The following ZBTB16 variants were observed in gnomAD, a reference collection of about 807,000 sequenced individuals.
ZBTB16 encodes zinc finger and BTB domain containing 16.
A neutral mutation model predicts 56.8 loss-of-function variants in ZBTB16; 8 were observed. That is an observed-to-expected ratio of 0.14 (90% CI 0.08 to 0.25). The LOEUF is 0.25. Ranked by LOEUF, ZBTB16 falls within the 10% of genes least tolerant of loss-of-function variation. ZBTB16 has a pLI of 1.00. For missense variants in ZBTB16, 625 were observed against 903.0 expected (o/e 0.69, Z 3.95); for synonymous variants, 363 against 368.5 (o/e 0.98, Z 0.17).
intron 2 of ZBTB16, among the ~76,000 whole-genome samples, chr11:114,123,710 G>A (rs1055617158): frequency 1.3e-5 from 2 of 152,152 alleles, no homozygotes; most frequent in African/African-American, 4.8e-5. Context: ...GAGCAGTCAA[G>A]AAAGAGCCAG....
chr11:114,090,392 T>A (rs1591655222), intron 2 of ZBTB16, among the ~76,000 whole-genome samples: 1 of 152,218 alleles, frequency 6.6e-6, no homozygotes, highest in African/African-American at 2.4e-5. Context: ...CTTTTGGATC[T>A]TTCTGAGTTG....
intron 5 of ZBTB16, among the ~76,000 whole-genome samples, chr11:114,244,621 C>G (rs1944778902): frequency 1.3e-5 from 2 of 151,848 alleles, no homozygotes; most frequent in South Asian, 4.1e-4. Flanking sequence ...GTGTTGGTGA[C>G]TTTTTCTTTC....
intron 3 of ZBTB16, among the ~76,000 whole-genome samples, chr11:114,176,930 G>A (rs1045708930): frequency 1.3e-5 from 2 of 152,116 alleles, no homozygotes; most frequent in South Asian, 4.1e-4. Flanking sequence ...ATAATATCAT[G>A]TATACGAGAG....
chr11:114,150,754 C>A (rs1377299503), intron 2 of ZBTB16, among the ~76,000 whole-genome samples: 1 of 152,180 alleles, frequency 6.6e-6, no homozygotes, highest in Non-Finnish European at 1.5e-5. Context: ...TCCCTTTACT[C>A]AATTCTGTGT....
At position 114,167,216 on chromosome 11, in the gene ZBTB16, GTT is replaced by G. The variant is rs747079234; in HGVS notation, c.1366+10795_1366+10796del. 1.2e-3 allele frequency among the ~76,000 whole-genome samples: 92 copies of G among 79,948 alleles called. 1 individual carries two copies. The highest frequency in any genetic ancestry group is 3.1e-3 in the African/African-American group (70 of 22,824). 52.4% of individuals were successfully genotyped at this position (79,948 alleles called of 152,430 possible). ...AGCCTCGGGCCATTATGGATTTGTG[GTT>G]TTTTTTTTTTTTGGTTTTTTTTTTT... On this transcript the variant is annotated intron_variant, in intron 3 of 6. Transcript: ENST00000335953.
intron 1 of ZBTB16, among the ~76,000 whole-genome samples, chr11:114,061,924 C>T (rs888976355): frequency 2.6e-5 from 4 of 152,156 alleles, no homozygotes; most frequent in African/African-American, 9.7e-5. Flanking sequence ...GTGGAGTTCA[C>T]ACACCCAGCC....
chr11:114,109,597 T>C (rs534750801), intron 2 of ZBTB16, among the ~76,000 whole-genome samples: 1 of 151,932 alleles, frequency 6.6e-6, no homozygotes, highest in Non-Finnish European at 1.5e-5. Context: ...GTGAGCCTAA[T>C]GTAAACATCC....
In ZBTB16 at chr11:114,084,698, C is replaced by T. The variant is rs185500061; in HGVS notation, c.1268+20130C>T. Among the ~76,000 whole-genome samples, 33 of 152,242 alleles carry T rather than the reference C, an allele frequency of 2.2e-4. No individual in the cohort carries two copies. The East Asian group carries it at 6.4e-3, about 29-fold the overall frequency. ...GTTCCTCCAAGCCCAGATTAGACAC[C>T]CTTCTCCACGTGGGGCCTCAAGTTA... On this transcript the variant is annotated intron_variant, in intron 2 of 6. Transcript: ENST00000335953.
chr11:114,141,403 A>G (rs1941941449), intron 2 of ZBTB16, among the ~76,000 whole-genome samples: 1 of 152,126 alleles, frequency 6.6e-6, no homozygotes, highest in African/African-American at 2.4e-5. Context: ...ACATCACCAC[A>G]TCCTCCTCTG....
intron 1 of ZBTB16, chr11:114,061,567 C>T (rs1190019484): frequency 6.6e-6 from 1 of 152,348 alleles, no homozygotes; most frequent in African/African-American, 2.4e-5. Context: ...TGGAGGCAAG[C>T]AAGCAGTGTT....
At chr11:114,208,061 T>C (rs1331836982) in intron 4 of ZBTB16, among the ~76,000 whole-genome samples, 1 of 152,204 alleles carries the variant, frequency 6.6e-6, no homozygotes, top group Non-Finnish European at 1.5e-5. Flanking sequence ...GCCTGCCTGG[T>C]ATTAATAGAG....
intron 2 of ZBTB16, among the ~76,000 whole-genome samples, chr11:114,087,400 G>T (rs78647582): frequency 2.1e-5 from 3 of 144,482 alleles, no homozygotes; most frequent in Non-Finnish European, 4.7e-5. Context: ...CACCAGTCCT[G>T]CAAGGATCTA....
At chr11:114,231,964 G>A (rs1037280827) in intron 4 of ZBTB16, among the ~76,000 whole-genome samples, 26 of 152,148 alleles carry the variant, frequency 1.7e-4, no homozygotes, top group African/African-American at 6.3e-4. Flanking sequence ...AGTGCACAGC[G>A]AGTTAGTCAC....
chr11:114,161,271 T>C (rs1356018384), intron 3 of ZBTB16, among the ~76,000 whole-genome samples: 1 of 152,122 alleles, frequency 6.6e-6, no homozygotes, highest in Non-Finnish European at 1.5e-5. Flanking sequence ...TGTCCCTATT[T>C]TTGACTCGGC....
chr11:114,082,880 C>T (rs2137701759), intron 2 of ZBTB16, among the ~76,000 whole-genome samples: 1 of 152,328 alleles, frequency 6.6e-6, no homozygotes, highest in East Asian at 1.9e-4. Flanking sequence ...TCCCCTCTTG[C>T]CTCCCTGATA....
chr11:114,246,855 G>A, intron 5 of ZBTB16: 1 of 346,174 alleles, frequency 2.9e-6, no homozygotes, highest in Non-Finnish European at 5.6e-6. Flanking sequence ...CTAAAGGAAG[G>A]GGAGAAGAGG....
At chr11:114,188,643 T>G (rs1943421158) in intron 4 of ZBTB16, 1 of 152,202 alleles carries the variant, frequency 6.6e-6, no homozygotes, top group Admixed American at 6.5e-5. Flanking sequence ...GTGCTGGCAC[T>G]GTTTAGGCAT....
intron 2 of ZBTB16, among the ~76,000 whole-genome samples, chr11:114,085,203 C>T (rs1464314198): frequency 6.6e-6 from 1 of 152,154 alleles, no homozygotes; most frequent in Non-Finnish European, 1.5e-5. Context: ...TACCTCAAAC[C>T]AAAGGTTCAA....
At chr11:114,242,393 T>A (rs1944727570) in intron 5 of ZBTB16, 56 bp downstream of exon 5, 1 of 1,600,308 alleles carries the variant, frequency 6.2e-7, no homozygotes, top group Non-Finnish European at 8.5e-7. Flanking sequence ...GCGTCTATAT[T>A]TACCTCCAAG....
Sources: allele counts gnomAD v4.1 joint callset (sites outside exome capture counted in the v4.1 genomes callset), GRCh38; gene constraint gnomAD v4.1.1; transcripts MANE v1.5; gene names NCBI Gene and HGNC (gene_info 2026-07-23, HGNC 2026-07-21).